The following DST variants were observed in gnomAD, a reference collection of about 807,000 sequenced individuals.
The protein encoded by DST is bullous pemphigoid antigen.
DST carries 253 observed loss-of-function variants against 875.2 expected under a neutral mutation model. The ratio of observed to expected loss-of-function variants is 0.29; its 90% CI spans 0.26 to 0.32. The LOEUF is 0.32. Among genes scored for constraint, DST ranks in the 10% least tolerant of loss-of-function variants. DST has a pLI of 1.00. For synonymous variants in DST, 3,124 were observed against 3,197.1 expected, an observed-to-expected ratio of 0.98 and a Z score of 0.77; for missense variants, 8,287 against 9,111.6, an observed-to-expected ratio of 0.91 and a Z score of 3.68.
intron 4 of DST, among the ~76,000 whole-genome samples, chr6:56,803,758 T>C (rs1361599341): frequency 6.6e-6 from 1 of 152,212 alleles, no homozygotes; most frequent in African/African-American, 2.4e-5. Flanking sequence ...AGATGCCTTC[T>C]GTTAAAGCTT....
chr6:56,786,372 T>C (rs573662771), intron 4 of DST, among the ~76,000 whole-genome samples: 1 of 152,366 alleles, frequency 6.6e-6, no homozygotes, highest in Admixed American at 6.5e-5. Flanking sequence ...TAATCTTGTC[T>C]GGCCATTTAC....
Position 56,509,627 on chromosome 6 carries a change from T to G in DST, c.19012+15A>C. 2 of 1,596,100 alleles carry G rather than the reference T, an allele frequency of 1.3e-6. No individual in the cohort carries two copies. Among genetic ancestry groups the G allele is most frequent in the Non-Finnish European group, 1.7e-6 (2 of 1,165,712 alleles). Reference sequence around the variant, plus strand: ...GAATGCTTTAAAATTTGTTTCCCTATTCCAAAAGTATTACCTTTGGCAGAT... The same window carrying G: ...GAATGCTTTAAAATTTGTTTCCCTAGTCCAAAAGTATTACCTTTGGCAGAT... On this transcript the variant is annotated intron_variant, in intron 74 of 103. Transcript: ENST00000680361.
chr6:56,508,379 ATACTCTATCTCC>A lies in DST; in HGVS notation c.19239+138_19239+149del, dbSNP rs975035466. Reference sequence around the variant, plus strand: ...CAATCTCAAAGTGAAATTTGTGGGTATACTCTATCTCCTACTGTATCACTGCACATTCCATTT... The same window carrying A: ...CAATCTCAAAGTGAAATTTGTGGGTATACTGTATCACTGCACATTCCATTT... On this transcript the variant is annotated intron_variant, in intron 75 of 103. Transcript: ENST00000680361. 7 of 656,562 alleles carry A rather than the reference ATACTCTATCTCC, an allele frequency of 1.1e-5. No homozygotes were observed. The African/African-American group carries it at 1.1e-4, about 10-fold the overall frequency. The allele number at this position is 656,562 out of a possible 1,614,324, so 40.7% of individuals were successfully genotyped here.
At position 56,606,517 on chromosome 6, in the gene DST, T is replaced by C; in HGVS notation, c.8111A>G (p.Glu2704Gly). The stretch of plus-strand genomic sequence containing the variant: ...GCCAACAGGATTTAAATGTATTTTT[T>C]CACCAGAATCTAATTCATCTTTCTC... The part of the protein sequence containing the change: ...DVEKDELDSG[E>G]KIHLNPVGSD... The change falls in exon 40 of 104, where the codon GAA (glutamate) becomes GGA (glycine). Residue 2704 changes from glutamate (E) to glycine (G), a missense_variant. Physicochemically the swap from Glu to Gly is moderately conservative, Grantham distance 98 (BLOSUM62 -2). Transcript: ENST00000680361. The C allele has an allele frequency of 6.2e-7, 1 of 1,613,456 alleles. No homozygotes were observed. Among genetic ancestry groups the C allele is most frequent in the South Asian group, 1.1e-5 (1 of 91,066 alleles).
intron 2 of DST, among the ~76,000 whole-genome samples, chr6:56,940,191 T>TATACAC (rs1184681490): frequency 8.4e-5 from 12 of 142,304 alleles, no homozygotes; most frequent in African/African-American, 2.9e-4. Context: ...ATTACCCCCA[T>TATACAC]ACACACACAC....
At chr6:56,853,411 T>C (rs1452989187) in intron 3 of DST, among the ~76,000 whole-genome samples, 1 of 152,202 alleles carries the variant, frequency 6.6e-6, no homozygotes, top group Non-Finnish European at 1.5e-5. Flanking sequence ...GATTTTGTTT[T>C]TGGCTGGCTC....
Position 56,604,031 on chromosome 6 carries a change from T to C in DST, c.10597A>G (p.Lys3533Glu). The C allele has an allele frequency of 1.3e-6, 2 of 1,592,834 alleles. No homozygotes were observed. The highest frequency in any genetic ancestry group is 8.6e-7 in the Non-Finnish European group (1 of 1,167,770). The part of the protein sequence containing the change: ...EEKPHILGDI[K>E]SKEGNYYSPN... Reference sequence around the variant, plus strand: ...GAATAGTAGTTTCCTTCTTTGCTTTTAATATCACCAAGAATATGTGGCTTT... The same window carrying C: ...GAATAGTAGTTTCCTTCTTTGCTTTCAATATCACCAAGAATATGTGGCTTT... The change falls in exon 40 of 104, where the codon AAA (lysine) becomes GAA (glutamate). Residue 3533 changes from lysine to glutamate, a missense_variant. Coordinates refer to ENST00000680361, the MANE Select transcript of DST (RefSeq NM_001374736.1).
At chr6:56,812,584 T>A (rs2099761715) in intron 4 of DST, among the ~76,000 whole-genome samples, 2 of 152,230 alleles carry the variant, frequency 1.3e-5, no homozygotes, top group South Asian at 4.1e-4. Flanking sequence ...CTGAAACATG[T>A]GTGCTAAATA....
chr6:56,557,367 G>A lies in DST; in HGVS notation c.14592C>T (p.Pro4864=), dbSNP rs777542945. 6.8e-6 allele frequency: 11 copies of A among 1,613,486 alleles called. No homozygotes were observed. In the South Asian group the frequency reaches 1.1e-4, roughly 16 times the overall value. The change falls in exon 59 of 104, where the codon CCC becomes CCT. Residue 4864 remains proline (P), a synonymous_variant. Transcript: ENST00000680361. ...EKELMVSVLG[P]LSIDPNMLNT... ...TTAGCATATTTGGGTCAATTGACAA[G>A]GGCCCAAGAACACTGACCATAAGTT...
chr6:56,529,916 A>G, intron 65 of DST, 58 bp downstream of exon 65: 2 of 1,589,760 alleles, frequency 1.3e-6, no homozygotes, highest in Non-Finnish European at 1.7e-6. Context: ...ACTCAAATTT[A>G]TGTCACAAAA....
chr6:56,950,376 A>G (rs1387578220), intron 2 of DST, among the ~76,000 whole-genome samples: 1 of 152,142 alleles, frequency 6.6e-6, no homozygotes, highest in Non-Finnish European at 1.5e-5. Flanking sequence ...CATTCTACTG[A>G]AGTACTCCCA....
chr6:56,671,858 G>T (rs1165172480), intron 9 of DST, among the ~76,000 whole-genome samples: 1 of 152,216 alleles, frequency 6.6e-6, no homozygotes, highest in African/African-American at 2.4e-5. Flanking sequence ...CTTGACCAGA[G>T]TCATGAGACA....
Position 56,606,363 on chromosome 6 carries a change from T to C in DST, c.8265A>G (p.Ala2755=), listed in dbSNP as rs766067315. ...TGCCACTGTCATCAAATTTTAATGATGCAGTGAAGCTCTCTTTTCCTCCTA... is the reference window on the plus strand; with the variant it reads ...TGCCACTGTCATCAAATTTTAATGACGCAGTGAAGCTCTCTTTTCCTCCTA... ...DIVGGKESFT[A]SLKFDDSGSW... is the part of the protein sequence containing the mutation. The change falls in exon 40 of 104, where the codon GCA becomes GCG. Residue 2755 remains alanine, a synonymous_variant. Coordinates refer to ENST00000680361, the MANE Select transcript of DST (RefSeq NM_001374736.1). The C allele has an allele frequency of 1.4e-5, 22 of 1,613,102 alleles. No individual in the cohort carries two copies. In the East Asian group the frequency reaches 1.6e-4, roughly 11 times the overall value.
chr6:56,636,432 A>T, intron 23 of DST, 125 bp downstream of exon 23: 2 of 713,420 alleles, frequency 2.8e-6, no homozygotes, highest in Non-Finnish European at 5.0e-6. Context: ...ATGTGTATAT[A>T]TATATGTGTG....
At chr6:56,555,865 G>C in intron 59 of DST, 25 bp from the exon 60 acceptor site, 2 of 1,451,756 alleles carry the variant, frequency 1.4e-6, no homozygotes, top group Non-Finnish European at 1.8e-6. Context: ...GTAAACAAAC[G>C]CAAATTATTA....
At position 56,472,215 on chromosome 6, in the gene DST, G is replaced by A; in HGVS notation, c.22002C>T (p.Arg7334=). 2 of 1,613,586 alleles carry A rather than the reference G, an allele frequency of 1.2e-6. No homozygotes were observed. Among genetic ancestry groups the A allele is most frequent in the Non-Finnish European group, 1.7e-6 (2 of 1,179,702 alleles). ...VLDKGRAGRK[R]FPASSLYPSG... ...AGGGATACAAGCTTGATGCTGGAAAGCGTTTTCCTGTGAAGGTATAACTTC... is the reference window on the plus strand; with the variant it reads ...AGGGATACAAGCTTGATGCTGGAAAACGTTTTCCTGTGAAGGTATAACTTC... The change falls in exon 94 of 104, where the codon CGC becomes CGT. Residue 7334 remains arginine, a synonymous_variant. Transcript: ENST00000680361.
At chr6:56,676,691 C>T (rs1370824924) in intron 9 of DST, among the ~76,000 whole-genome samples, 4 of 73,342 alleles carry the variant, frequency 5.5e-5, no homozygotes, top group Non-Finnish European at 4.7e-5. Flanking sequence ...TACTGATCAG[C>T]CTTAAAAAAA....
intron 34 of DST, among the ~76,000 whole-genome samples, 154 bp from the exon 35 acceptor site, chr6:56,625,418 G>C (rs2098724269): frequency 6.6e-6 from 1 of 152,100 alleles, no homozygotes; most frequent in African/African-American, 2.4e-5. Context: ...ATTAAATTAA[G>C]TTTAAATAAA....
chr6:56,851,685 C>T, intron 3 of DST, 81 bp from the exon 4 acceptor site: 1 of 1,554,182 alleles, frequency 6.4e-7, no homozygotes, highest in Non-Finnish European at 8.7e-7. Context: ...CCCCACCAAC[C>T]ACCGCCGCCC....
Sources: gnomAD v4.1 joint callset for allele counts (sites outside exome capture counted in the v4.1 genomes callset) on GRCh38, gnomAD v4.1.1 for gene constraint, MANE v1.5 for transcripts, NCBI Gene and HGNC (gene_info 2026-07-23, HGNC 2026-07-21) for gene names.